The following POC1A variants were observed in gnomAD, a reference collection of about 807,000 sequenced individuals.
The protein encoded by POC1A is POC1 centriolar protein A.
A neutral mutation model predicts 47.8 loss-of-function variants in POC1A; 34 were observed. The ratio of observed to expected loss-of-function variants is 0.71; its 90% confidence interval spans 0.54 to 0.95. The LOEUF is 0.95. POC1A is among the 40% of genes least tolerant of loss of function. POC1A has a pLI of 0.00. For synonymous variants in POC1A, 177 were observed against 207.6 expected, an observed-to-expected ratio of 0.85 and a Z score of 1.27; for missense variants, 466 against 528.3, an observed-to-expected ratio of 0.88 and a Z score of 1.16.
intron 7 of POC1A, among the ~76,000 whole-genome samples, chr3:52,128,214 C>G (rs1428922338): frequency 6.6e-6 from 1 of 152,192 alleles, no homozygotes; most frequent in Non-Finnish European, 1.5e-5. Context: ...GGGAAAAATA[C>G]TTGCAGGTCA....
intron 10 of POC1A, among the ~76,000 whole-genome samples, chr3:52,078,128 C>A (rs1286423138): frequency 1.3e-5 from 2 of 152,164 alleles, no homozygotes; most frequent in African/African-American, 4.8e-5. Context: ...AGTTTCTCCC[C>A]CTCCAGCCTA....
chr3:52,085,863 G>C (rs1237108466), intron 10 of POC1A, among the ~76,000 whole-genome samples: 1 of 152,132 alleles, frequency 6.6e-6, no homozygotes, highest in Non-Finnish European at 1.5e-5. Flanking sequence ...TGTCTGGCTG[G>C]GCACAGGCAT....
At chr3:52,122,047 C>T (rs1478107436) in intron 9 of POC1A, among the ~76,000 whole-genome samples, 1 of 152,202 alleles carries the variant, frequency 6.6e-6, no homozygotes, top group Non-Finnish European at 1.5e-5. Flanking sequence ...GTCCTGTGAC[C>T]CAGGGTTCAG....
At chr3:52,083,040 T>C (rs899087027) in intron 10 of POC1A, among the ~76,000 whole-genome samples, 1 of 152,168 alleles carries the variant, frequency 6.6e-6, no homozygotes, top group Non-Finnish European at 1.5e-5. Context: ...AGTTCAGGTG[T>C]CCTGCCTGGG....
At chr3:52,089,624 T>A (rs1702579899) in intron 10 of POC1A, among the ~76,000 whole-genome samples, 1 of 152,146 alleles carries the variant, frequency 6.6e-6, no homozygotes, top group South Asian at 2.1e-4. Context: ...TATGGCCCTG[T>A]CTGCGAGTGG....
intron 10 of POC1A, among the ~76,000 whole-genome samples, chr3:52,093,103 G>A (rs768628317): frequency 1.6e-4 from 24 of 152,204 alleles, no homozygotes; most frequent in Non-Finnish European, 2.6e-4. Flanking sequence ...CTAGTGTCCC[G>A]TCAGGTGAGG....
chr3:52,132,824 C>A (rs374015366), intron 7 of POC1A, among the ~76,000 whole-genome samples: 1 of 152,118 alleles, frequency 6.6e-6, no homozygotes, highest in Non-Finnish European at 1.5e-5. Context: ...GAAGGCAGAT[C>A]ACTTGAGGTC....
chr3:52,107,548 A>G (rs1703231336), intron 9 of POC1A, among the ~76,000 whole-genome samples: 1 of 151,984 alleles, frequency 6.6e-6, no homozygotes, highest in Non-Finnish European at 1.5e-5. Context: ...CTCCACGTAC[A>G]CTCCCAAGGG....
chr3:52,132,694 C>T (rs964019835), intron 7 of POC1A, among the ~76,000 whole-genome samples: 4 of 152,148 alleles, frequency 2.6e-5, no homozygotes, highest in African/African-American at 9.7e-5. Flanking sequence ...AACTTGTAAC[C>T]AACATCCACC....
chr3:52,129,770 C>T (rs981002401), intron 7 of POC1A, among the ~76,000 whole-genome samples: 3 of 152,236 alleles, frequency 2.0e-5, no homozygotes, highest in African/African-American at 7.2e-5. Flanking sequence ...GGCCTCCCTG[C>T]TACTCTACCT....
rs184138981 is a variant in POC1A, at chr3:52,110,274, G to C, written c.981+12105C>G. ...AGGAGAGCGGGGCTGCTCCAGGTAG[G>C]AGAGTGCTCCAGGCAGGTGGAGCAG... On this transcript the variant is annotated intron_variant, in intron 9 of 10. Transcript: ENST00000296484. Among the ~76,000 whole-genome samples, 225 of 152,286 alleles carry C rather than the reference G, an allele frequency of 1.5e-3. 1 individual carries two copies. The highest frequency in any genetic ancestry group is 2.7e-3 in the Non-Finnish European group (186 of 68,014).
At chr3:52,126,309 A>G (rs988502287) in intron 7 of POC1A, among the ~76,000 whole-genome samples, 4 of 152,246 alleles carry the variant, frequency 2.6e-5, no homozygotes, top group South Asian at 2.1e-4. Flanking sequence ...GGGAAAAGGG[A>G]CCTCGAGGCC....
At chr3:52,128,091 G>C (rs552543195) in intron 7 of POC1A, among the ~76,000 whole-genome samples, 1 of 152,256 alleles carries the variant, frequency 6.6e-6, no homozygotes, top group African/African-American at 2.4e-5. Context: ...AAACAAAGAG[G>C]AAACAGAGAA....
chr3:52,089,618 G>T lies in POC1A; in HGVS notation c.1125+6951C>A, dbSNP rs138435448. 1.1e-3 allele frequency among the ~76,000 whole-genome samples: 163 copies of T among 152,274 alleles called. 1 individual carries two copies. The highest frequency in any genetic ancestry group is 1.3e-3 in the Non-Finnish European group (91 of 68,012). On this transcript the variant is annotated intron_variant, in intron 10 of 10. Transcript: ENST00000296484. ...GAAACAACCCACCACCACCCTTATG[G>T]CCCTGTCTGCGAGTGGAAGCAGTGT...
intron 1 of POC1A, 98 bp from the exon 2 acceptor site, chr3:52,151,198 A>C: frequency 1.9e-6 from 3 of 1,562,818 alleles, no homozygotes; most frequent in Non-Finnish European, 2.6e-6. Flanking sequence ...AGTAGGGTTA[A>C]AAATGCTCAA....
chr3:52,111,600 C>T (rs967976850), intron 9 of POC1A, among the ~76,000 whole-genome samples: 6 of 146,976 alleles, frequency 4.1e-5, no homozygotes, highest in Non-Finnish European at 5.9e-5. Flanking sequence ...AAGCCGAGAT[C>T]GCGCTATTGC....
intron 3 of POC1A, 148 bp downstream of exon 3, chr3:52,149,668 C>T: frequency 1.3e-6 from 1 of 781,406 alleles, no homozygotes; most frequent in Non-Finnish European, 2.1e-6. Context: ...GCTCCAACTG[C>T]AGCCCCAGCC....
intron 6 of POC1A, among the ~76,000 whole-genome samples, chr3:52,142,821 G>A: frequency 6.6e-6 from 1 of 152,170 alleles, no homozygotes; most frequent in Non-Finnish European, 1.5e-5. Flanking sequence ...ACCTATGGGG[G>A]TGGGGGAGCC....
At position 52,084,161 on chromosome 3, in the gene POC1A, C is replaced by T. The variant is rs1702386337; in HGVS notation, c.1126-8176G>A. Among the ~76,000 whole-genome samples the T allele has an allele frequency of 6.6e-6, 1 of 152,222 alleles. No homozygotes were observed. The highest frequency in any genetic ancestry group is 2.4e-5 in the African/African-American group (1 of 41,448). ...CCTCGACCTAGGAACTGACCACAGCCACCTGGTCCTACAGTCCATGAAACG... is the reference window on the plus strand; with the variant it reads ...CCTCGACCTAGGAACTGACCACAGCTACCTGGTCCTACAGTCCATGAAACG... On this transcript the variant is annotated intron_variant, in intron 10 of 10. Transcript: ENST00000296484. This position sits in a 1 kb window ranked among gnomAD's most constrained non-coding sequence, Gnocchi z 4.3.
Sources: gnomAD v4.1 joint callset for allele counts (sites outside exome capture counted in the v4.1 genomes callset) on GRCh38, gnomAD v4.1.1 for gene constraint, Gnocchi (gnomAD v3.1) non-coding constraint, MANE v1.5 for transcripts, NCBI Gene and HGNC (gene_info 2026-07-23, HGNC 2026-07-21) for gene names.